Variants in P2RY8 observed in about 807,000 individuals in gnomAD.
P2RY8 encodes the protein S-geranylgeranyl-glutathione receptor P2RY8.
P2RY8 carries 6 observed loss-of-function variants against 10.0 expected under a neutral mutation model. That is an observed-to-expected ratio of 0.60 (90% CI 0.33 to 1.19). The LOEUF is 1.19. Ranked by LOEUF, P2RY8 falls within the 50% of genes most tolerant of loss-of-function variation. The pLI, the probability that P2RY8 is intolerant of heterozygous loss-of-function variation, is 0.04. For synonymous variants in P2RY8, 276 were observed against 252.5 expected (o/e 1.09, Z -0.88); for missense variants, 456 against 542.0 (o/e 0.84, Z 1.58).
At chrX:1,495,722 C>T (rs186453390) in intron 1 of P2RY8, among the ~76,000 whole-genome samples, 7,344 of 84,106 alleles carry the variant, frequency 0.087, 772 homozygotes, top group Admixed American at 0.17. Context: ...GAGAAGACGG[C>T]GTCTCCAAGC....
At chrX:1,509,099 G>GTATCTATCTATGTATC (rs2092266848) in intron 1 of P2RY8, among the ~76,000 whole-genome samples, 40 of 138,110 alleles carry the variant, frequency 2.9e-4, no homozygotes, top group African/African-American at 5.7e-4. Context: ...ATGTATCTAT[G>GTATCTATCTATGTATC]TATCTATCTA....
chrX:1,478,769 C>T (rs1324118296), intron 1 of P2RY8, among the ~76,000 whole-genome samples: 4 of 152,104 alleles, frequency 2.6e-5, no homozygotes, highest in South Asian at 2.1e-4. Context: ...TGAGCCACTG[C>T]TCCCGGTACA....
At chrX:1,500,680 C>T (rs28439144) in intron 1 of P2RY8, among the ~76,000 whole-genome samples, 34,346 of 151,806 alleles carry the variant, frequency 0.23, 4,137 homozygotes, top group Middle Eastern at 0.38. Context: ...ACTCCTGACC[C>T]CAGGTGATCC....
intron 1 of P2RY8, among the ~76,000 whole-genome samples, chrX:1,507,628 C>G (rs1260011289): frequency 6.6e-6 from 1 of 152,104 alleles, no homozygotes; most frequent in Non-Finnish European, 1.5e-5. Flanking sequence ...TCACAGCACC[C>G]GGCGGAGTCC....
intron 1 of P2RY8, among the ~76,000 whole-genome samples, chrX:1,503,750 C>T (rs1236421075): frequency 1.3e-5 from 2 of 151,986 alleles, no homozygotes; most frequent in African/African-American, 2.4e-5. Flanking sequence ...CAAAAATTAG[C>T]TGGGCATGGT....
At chrX:1,520,028 C>T (rs775824872) in intron 1 of P2RY8, among the ~76,000 whole-genome samples, 2 of 149,224 alleles carry the variant, frequency 1.3e-5, no homozygotes, top group Admixed American at 1.3e-4. Flanking sequence ...GGTCCTCAAT[C>T]ATCTCTCTCT....
chrX:1,528,627 T>A (rs776847262), intron 1 of P2RY8, among the ~76,000 whole-genome samples: 1 of 152,324 alleles, frequency 6.6e-6, no homozygotes, highest in East Asian at 1.9e-4. Flanking sequence ...TTTCTTTGAA[T>A]GAGTGTGGAT....
At chrX:1,482,160 GGTGT>G (rs5901178) in intron 1 of P2RY8, among the ~76,000 whole-genome samples, 13,446 of 146,760 alleles carry the variant, frequency 0.092, 1,923 homozygotes, top group African/African-American at 0.31. Flanking sequence ...TTGTGTGTGT[GGTGT>G]GTGTGTGTGT....
At chrX:1,484,593 T>G (rs2091969120) in intron 1 of P2RY8, among the ~76,000 whole-genome samples, 2 of 151,354 alleles carry the variant, frequency 1.3e-5, no homozygotes, top group South Asian at 4.2e-4. Flanking sequence ...CCGGGTGTCA[T>G]GGCAGGTGCC....
chrX:1,482,160 GGT>G (rs5901178), intron 1 of P2RY8, among the ~76,000 whole-genome samples: 68,070 of 146,660 alleles, frequency 0.46, 15,914 homozygotes, highest in Middle Eastern at 0.62. Context: ...TTGTGTGTGT[GGT>G]GTGTGTGTGT....
intron 1 of P2RY8, among the ~76,000 whole-genome samples, chrX:1,476,621 T>C (rs2091877372): frequency 6.6e-6 from 1 of 151,246 alleles, no homozygotes; most frequent in South Asian, 2.1e-4. Flanking sequence ...TAATGGGTCA[T>C]ATAGATGTTT....
Position 1,464,512 on chromosome X carries a change from A to C in P2RY8, c.*967T>G, listed in dbSNP as rs2091634783. 4.3e-6 allele frequency: 1 copy of C among 233,394 alleles called. No individual in the cohort carries two copies. 14.5% of individuals were successfully genotyped at this position (233,394 alleles called of 1,614,324 possible). On this transcript the variant is annotated 3_prime_UTR_variant, in exon 2 of 2. Transcript: ENST00000381297. Reference sequence around the variant, plus strand: ...CCATGGCTGAGGCTCTCCATGGGGTAAAAGGACGCGGAGAATGGGCAGGAG... The same window carrying C: ...CCATGGCTGAGGCTCTCCATGGGGTCAAAGGACGCGGAGAATGGGCAGGAG...
At chrX:1,528,216 A>G (rs1208490630) in intron 1 of P2RY8, among the ~76,000 whole-genome samples, 3 of 152,226 alleles carry the variant, frequency 2.0e-5, no homozygotes, top group African/African-American at 7.2e-5. Flanking sequence ...TTCACTGAGC[A>G]GCTAGTGCCT....
At chrX:1,475,490 C>A (rs755473066) in intron 1 of P2RY8, among the ~76,000 whole-genome samples, 1 of 152,010 alleles carries the variant, frequency 6.6e-6, no homozygotes, top group East Asian at 1.9e-4. Context: ...GGAGAGAATG[C>A]ATTGCTGTTA....
intron 1 of P2RY8, among the ~76,000 whole-genome samples, chrX:1,515,176 G>T (rs2092336434): frequency 6.7e-6 from 1 of 150,356 alleles, no homozygotes; most frequent in Non-Finnish European, 1.5e-5. Context: ...CTCCCAAAGT[G>T]CTGGGATTAC....
chrX:1,517,413 C>T (rs770753578), intron 1 of P2RY8, among the ~76,000 whole-genome samples: 11 of 152,254 alleles, frequency 7.2e-5, no homozygotes, highest in South Asian at 4.1e-4. Context: ...CTTGGGCCCC[C>T]GCCCCATCCC....
chrX:1,495,585 T>A (rs1297025832), intron 1 of P2RY8, among the ~76,000 whole-genome samples: 1 of 142,508 alleles, frequency 7.0e-6, no homozygotes, highest in East Asian at 2.0e-4. Context: ...AATCAATGTT[T>A]GTTGTTTCTA....
chrX:1,466,254 G>C lies in P2RY8; in HGVS notation c.305C>G (p.Ala102Gly), dbSNP rs1163438541. The change falls in exon 2 of 2, where the codon GCC (alanine) becomes GGC (glycine). Residue 102 changes from alanine to glycine, a missense_variant. By Grantham distance (60) the Ala-to-Gly change is moderately conservative (BLOSUM62 0). Coordinates refer to ENST00000381297, the MANE Select transcript of P2RY8 (RefSeq NM_178129.5). ...GCTGGAATACATGTTTGCGTAAAAG[G>C]CCACGGTCACCACGTTGCAAAGCAG... Reference protein sequence around the residue: ...GVLLCNVVTVAFYANMYSSIL... With the variant: ...GVLLCNVVTVGFYANMYSSIL... 1 of 1,613,832 alleles carries C rather than the reference G, an allele frequency of 6.2e-7. No individual in the cohort carries two copies. The highest frequency in any genetic ancestry group is 1.1e-5 in the South Asian group (1 of 91,080).
intron 1 of P2RY8, among the ~76,000 whole-genome samples, chrX:1,495,431 T>C (rs1281590838): frequency 6.6e-6 from 1 of 151,856 alleles, no homozygotes; most frequent in Non-Finnish European, 1.5e-5. Context: ...GAAGAGGAGA[T>C]GAGGACACAG....
Sources: allele counts gnomAD v4.1 joint callset (sites outside exome capture counted in the v4.1 genomes callset), GRCh38; gene constraint gnomAD v4.1.1; transcripts MANE v1.5; gene names NCBI Gene and HGNC (gene_info 2026-07-23, HGNC 2026-07-21).